Variants in UGT2A3 observed in about 807,000 individuals in gnomAD.
The protein encoded by UGT2A3 is UDP-glucuronosyltransferase 2A3.
A neutral mutation model predicts 44.1 loss-of-function variants in UGT2A3; 55 were observed. That is an observed-to-expected ratio of 1.25 (90% CI 1.00 to 1.56). The LOEUF (loss-of-function observed/expected upper bound fraction) is 1.56. Among genes scored for constraint, UGT2A3 ranks in the 40% most tolerant of loss-of-function variants. UGT2A3 has a pLI of 0.00. For synonymous variants in UGT2A3, 243 were observed against 215.1 expected (o/e 1.13, Z -1.13); for missense variants, 733 against 621.6 (o/e 1.18, Z -1.91).
chr4:68,945,572 C>G, intron 1 of UGT2A3, 118 bp from the exon 2 acceptor site: 4 of 582,120 alleles, frequency 6.9e-6, no homozygotes, highest in Non-Finnish European at 1.1e-5. Flanking sequence ...AACAACATGG[C>G]TTTTAGACGT....
intron 1 of UGT2A3, among the ~76,000 whole-genome samples, chr4:68,948,592 T>C (rs1718470493): frequency 2.0e-5 from 3 of 151,528 alleles, no homozygotes; most frequent in African/African-American, 7.3e-5. Flanking sequence ...GGATTACAGA[T>C]ATGAATCACT....
At chr4:68,945,243 T>C in intron 2 of UGT2A3, 63 bp downstream of exon 2, 1 of 1,581,262 alleles carries the variant, frequency 6.3e-7, no homozygotes, top group Non-Finnish European at 8.7e-7. Flanking sequence ...AAGGTTGTAA[T>C]CTTTCAAGGG....
intron 5 of UGT2A3, among the ~76,000 whole-genome samples, chr4:68,930,310 A>G (rs1577842772): frequency 6.6e-6 from 1 of 152,182 alleles, no homozygotes; most frequent in East Asian, 1.9e-4. Flanking sequence ...TAAAATTAAG[A>G]TGTGAATAAA....
intron 1 of UGT2A3, among the ~76,000 whole-genome samples, chr4:68,949,103 A>C (rs1040353301): frequency 1.3e-5 from 2 of 151,798 alleles, no homozygotes; most frequent in African/African-American, 4.8e-5. Context: ...GAGAGCATTA[A>C]TGTACTCATA....
intron 2 of UGT2A3, among the ~76,000 whole-genome samples, chr4:68,941,246 G>A (rs1718176500): frequency 6.6e-6 from 1 of 151,698 alleles, no homozygotes; most frequent in African/African-American, 2.4e-5. Flanking sequence ...TGTGCTTCTT[G>A]TACAGTATGC....
At chr4:68,937,028 T>G (rs1408142850) in intron 2 of UGT2A3, among the ~76,000 whole-genome samples, 1 of 151,530 alleles carries the variant, frequency 6.6e-6, no homozygotes, top group Non-Finnish European at 1.5e-5. Flanking sequence ...GAGCTAACTA[T>G]CCTAAATATA....
At chr4:68,931,299 G>A in intron 3 of UGT2A3, 57 bp from the exon 4 acceptor site, 1 of 1,364,794 alleles carries the variant, frequency 7.3e-7, no homozygotes, top group Non-Finnish European at 1.0e-6. Context: ...AGCATTCTAA[G>A]GATGTAGATA....
chr4:68,939,831 G>T (rs1477399864), intron 2 of UGT2A3, among the ~76,000 whole-genome samples: 1 of 151,704 alleles, frequency 6.6e-6, no homozygotes, highest in Non-Finnish European at 1.5e-5. Flanking sequence ...AATCTACAAT[G>T]AACTTAAACA....
chr4:68,931,785 T>C (rs1016663524), intron 3 of UGT2A3, among the ~76,000 whole-genome samples: 4 of 152,168 alleles, frequency 2.6e-5, no homozygotes, highest in East Asian at 3.9e-4. Flanking sequence ...TGTTCCACTG[T>C]TCAATGATAA....
At chr4:68,944,558 T>G (rs796661923) in intron 2 of UGT2A3, among the ~76,000 whole-genome samples, 3 of 151,980 alleles carry the variant, frequency 2.0e-5, no homozygotes, top group Admixed American at 6.6e-5. Context: ...GAATATAGTA[T>G]ACAATTTTAT....
In UGT2A3 at chr4:68,930,989, A is replaced by C. The variant is rs186454295; in HGVS notation, c.1084+166T>G. 3.7e-3 allele frequency among the ~76,000 whole-genome samples: 570 copies of C among 152,268 alleles called. 1 individual carries two copies. The highest frequency in any genetic ancestry group is 0.013 in the African/African-American group (545 of 41,582). On this transcript the variant is annotated intron_variant, in intron 4 of 5. Coordinates refer to ENST00000251566, the MANE Select transcript of UGT2A3 (RefSeq NM_024743.4). Reference sequence around the variant, plus strand: ...TGTCACTCTCACCTTAACAATAGAAAGTGTGAATCTATACAATTTTAGTCA... The same window carrying C: ...TGTCACTCTCACCTTAACAATAGAACGTGTGAATCTATACAATTTTAGTCA...
At chr4:68,936,366 C>G (rs1239256458) in intron 2 of UGT2A3, among the ~76,000 whole-genome samples, 1 of 151,770 alleles carries the variant, frequency 6.6e-6, no homozygotes, top group Non-Finnish European at 1.5e-5. Flanking sequence ...GTGGATCTCT[C>G]AGCAAACCCT....
intron 2 of UGT2A3, among the ~76,000 whole-genome samples, chr4:68,933,531 A>G (rs1240634292): frequency 1.3e-5 from 2 of 152,058 alleles, no homozygotes; most frequent in African/African-American, 2.4e-5. Flanking sequence ...CAAATGGCAA[A>G]CAGATCTTGG....
rs758059756 is a variant in UGT2A3 at position 68,932,708 on chromosome 4, A to G, written c.916T>C (p.Ser306Pro). ...SSGEDGIVVFSLGSLFQNVTE... is the reference protein window; with the variant it reads ...SSGEDGIVVFPLGSLFQNVTE... ...ACATTTTGAAACAGTGACCCCAGAG[A>G]AAACACCACAATACCATCTTCCCCT... The change falls in exon 3 of 6, where the codon TCT becomes CCT. Residue 306 changes from serine (S) to proline (P), a missense_variant. Ser to Pro is a moderately conservative substitution (Grantham distance 74, BLOSUM62 -1). Transcript: ENST00000251566. 3 of 1,612,018 alleles carry G rather than the reference A, an allele frequency of 1.9e-6. No homozygotes were observed. The highest frequency in any genetic ancestry group is 1.3e-5 in the African/African-American group (1 of 74,788).
In UGT2A3 at chr4:68,929,825, TTCTA is replaced by T. The variant is rs1388004388; in HGVS notation, c.1568_1571del (p.Ile523LysfsTer24). ...AATTTGGAAAGATCTATTCCCTCTT[TTCTA>T]TCTTTCTAGTTTTATTAAATTTTTG... On this transcript the variant is annotated frameshift_variant, in exon 6 of 6. Coordinates refer to ENST00000251566, the MANE Select transcript of UGT2A3 (RefSeq NM_024743.4). LOFTEE classifies it high-confidence loss of function. The T allele has an allele frequency of 6.9e-6, 11 of 1,595,600 alleles. No homozygotes were observed. In the South Asian group the frequency reaches 1.2e-4, roughly 18 times the overall value.
chr4:68,935,814 A>C (rs925120941), intron 2 of UGT2A3, among the ~76,000 whole-genome samples: 4 of 152,096 alleles, frequency 2.6e-5, no homozygotes, highest in African/African-American at 7.2e-5. Context: ...AAAAGCCTTG[A>C]GAAAAGGTTA....
chr4:68,939,950 C>T (rs562018180), intron 2 of UGT2A3, among the ~76,000 whole-genome samples: 2 of 152,220 alleles, frequency 1.3e-5, no homozygotes, highest in South Asian at 2.1e-4. Flanking sequence ...TGAAAAAATG[C>T]TCATCATCAC....
chr4:68,951,328 C>A lies in UGT2A3; in HGVS notation c.433G>T (p.Val145Leu). ...GGAATCACAGGGTCTATAAGCATTACATCGTAGTTGGTTTCCTGTAGCTTC... is the reference window on the plus strand; with the variant it reads ...GGAATCACAGGGTCTATAAGCATTAAATCGTAGTTGGTTTCCTGTAGCTTC... Reference protein sequence around the residue: ...MKKLQETNYDVMLIDPVIPCG... With the variant: ...MKKLQETNYDLMLIDPVIPCG... The change falls in exon 1 of 6, where the codon GTA (valine) becomes TTA (leucine). Residue 145 changes from valine to leucine, a missense_variant. Transcript: ENST00000251566. 1 of 1,612,592 alleles carries A rather than the reference C, an allele frequency of 6.2e-7. No homozygotes were observed. The highest frequency in any genetic ancestry group is 1.1e-5 in the South Asian group (1 of 91,034).
rs760618576 is a variant in UGT2A3 at position 68,951,168 on chromosome 4, C to T, written c.593G>A (p.Gly198Glu). ...CAGAAAGGTCATTCTGTCTGTTAGT[C>T]CTGTCATAGGCACAGGTACATAGGA... Reference protein sequence around the residue: ...PLSYVPVPMTGLTDRMTFLER... With the variant: ...PLSYVPVPMTELTDRMTFLER... Residue 198 changes from glycine to glutamate, a missense_variant, in exon 1 of 6, where the codon GGA becomes GAA. Gly to Glu is a moderately conservative substitution (Grantham distance 98). Transcript: ENST00000251566. The T allele has an allele frequency of 6.2e-7, 1 of 1,611,998 alleles. No homozygotes were observed. Among genetic ancestry groups the T allele is most frequent in the Non-Finnish European group, 8.5e-7 (1 of 1,178,988 alleles).
Sources: gnomAD v4.1 joint callset for allele counts (sites outside exome capture counted in the v4.1 genomes callset) on GRCh38, gnomAD v4.1.1 for gene constraint, MANE v1.5 for transcripts, NCBI Gene and HGNC (gene_info 2026-07-23, HGNC 2026-07-21) for gene names.